The following CCDC47 variants were observed in gnomAD, a reference collection of about 807,000 sequenced individuals.
CCDC47 encodes PAT complex subunit CCDC47.
A neutral mutation model predicts 60.5 loss-of-function variants in CCDC47; 41 were observed. The observed-to-expected ratio is 0.68, with a 90% CI of 0.53 to 0.88. The LOEUF is 0.88. Ranked by LOEUF, CCDC47 falls within the 40% of genes least tolerant of loss-of-function variation. The probability of loss-of-function intolerance (pLI) is 0.00; values close to 1 mark genes in which losing one functional copy is unlikely to be tolerated. For synonymous variants in CCDC47, 195 were observed against 190.7 expected, an observed-to-expected ratio of 1.02 and a Z score of -0.18; for missense variants, 513 against 580.9, an observed-to-expected ratio of 0.88 and a Z score of 1.20.
Position 63,766,077 on chromosome 17 carries a change from C to G in CCDC47, c.99G>C (p.Glu33Asp). 1.9e-6 allele frequency: 3 copies of G among 1,614,064 alleles called. No individual in the cohort carries two copies. In the South Asian group the frequency reaches 3.3e-5, roughly 18 times the overall value. ...ATTCAGCGAAGTCATTATCATCATA[C>G]TCTACTATGTCCTCCTCATCCTCAA... ...DDFEDEEDIV[E>D]YDDNDFAEFE... The change falls in exon 2 of 13, where the codon GAG becomes GAC. Residue 33 changes from glutamate to aspartate, a missense_variant. Glu to Asp is a conservative substitution (Grantham distance 45, BLOSUM62 2). Transcript: ENST00000225726.
intron 1 of CCDC47, among the ~76,000 whole-genome samples, chr17:63,768,174 C>G (rs1383441375): frequency 6.6e-6 from 1 of 152,192 alleles, no homozygotes. Flanking sequence ...GCATTCACTG[C>G]TTTTCACAAT....
At chr17:63,751,665 T>G (rs1489693951) in intron 12 of CCDC47, 2 of 555,184 alleles carry the variant, frequency 3.6e-6, no homozygotes, top group Non-Finnish European at 6.4e-6. Flanking sequence ...ACCAAAGTGT[T>G]TGGCTCGAAA....
intron 1 of CCDC47, among the ~76,000 whole-genome samples, chr17:63,771,220 A>C (rs897708310): frequency 3.3e-5 from 5 of 152,220 alleles, no homozygotes; most frequent in African/African-American, 1.2e-4. Context: ...TGGAGGCAAG[A>C]ACAGTTAAAA....
chr17:63,753,237 TA>T, intron 9 of CCDC47: 1 of 893,950 alleles, frequency 1.1e-6, no homozygotes. Flanking sequence ...AATTTAGGGA[TA>T]ATCTACTACA....
intron 6 of CCDC47, among the ~76,000 whole-genome samples, chr17:63,757,781 T>C (rs2039218773): frequency 6.6e-6 from 1 of 152,226 alleles, no homozygotes; most frequent in African/African-American, 2.4e-5. Context: ...GCCCTTTGAA[T>C]TTCCTGAATA....
At position 63,761,803 on chromosome 17, in the gene CCDC47, T is replaced by C. The variant is rs1469140563; in HGVS notation, c.548-452A>G. On this transcript the variant is annotated intron_variant, in intron 4 of 12. Coordinates refer to ENST00000225726, the MANE Select transcript of CCDC47 (RefSeq NM_020198.3). ...ATACTTTGCTGTCTTATAGAACTGT[T>C]TGGACAGGGACTGAAATAGATTAGC... The C allele has an allele frequency of 6.1e-6, 6 of 981,460 alleles. No homozygotes were observed. The African/African-American group carries it at 1.1e-4, about 17-fold the overall frequency. 60.8% of individuals were successfully genotyped at this position (981,460 alleles called of 1,614,324 possible). A position where few individuals can be genotyped will look rare whatever the true frequency, so the allele number is the denominator to read the frequency against.
At chr17:63,761,203 A>G (rs2039256761) in intron 5 of CCDC47, 27 bp downstream of exon 5, 3 of 1,613,738 alleles carry the variant, frequency 1.9e-6, no homozygotes, top group South Asian at 2.2e-5. Flanking sequence ...GGGAAGATAT[A>G]TATCGTACAA....
In CCDC47 at chr17:63,746,826, T is replaced by C; in HGVS notation, c.*55A>G. Reference sequence around the variant, plus strand: ...GAAATGGACTGGCGTTTTTCATGTTTCCTGTGAATTCAGAGCTTACAGGTG... The same window carrying C: ...GAAATGGACTGGCGTTTTTCATGTTCCCTGTGAATTCAGAGCTTACAGGTG... On this transcript the variant is annotated 3_prime_UTR_variant, in exon 13 of 13. Transcript: ENST00000225726. 1.5e-6 allele frequency: 2 copies of C among 1,311,218 alleles called. No homozygotes were observed. The allele number at this position is 1,311,218 out of a possible 1,614,324, so 81.2% of individuals were successfully genotyped here.
Position 63,766,211 on chromosome 17 carries a change from AC to A in CCDC47, c.-19-18del. 1 of 1,578,576 alleles carries A rather than the reference AC, an allele frequency of 6.3e-7. No individual in the cohort carries two copies. Among genetic ancestry groups the A allele is most frequent in the Non-Finnish European group, 8.6e-7 (1 of 1,167,698 alleles). The stretch of plus-strand genomic sequence containing the variant: ...GAAAAAAAGCTTAAAAAAAAAGAGA[AC>A]CCCAAAATGGATTGCCATTCTATAC... On this transcript the variant is annotated intron_variant, in intron 1 of 12. Coordinates refer to ENST00000225726, the MANE Select transcript of CCDC47 (RefSeq NM_020198.3).
chr17:63,771,333 C>T (rs916187561), intron 1 of CCDC47, among the ~76,000 whole-genome samples: 26 of 151,990 alleles, frequency 1.7e-4, no homozygotes, highest in Admixed American at 1.0e-3. Flanking sequence ...ATAGGTTATA[C>T]GTAAATACTA....
Position 63,746,792 on chromosome 17 carries a change from T to C in CCDC47, c.*89A>G. On this transcript the variant is annotated 3_prime_UTR_variant, in exon 13 of 13. Coordinates refer to ENST00000225726, the MANE Select transcript of CCDC47 (RefSeq NM_020198.3). ...CAGTTGCCCAAGACTGTCTGAAATT[T>C]AAGGTTGAGAAATGGACTGGCGTTT... 2.1e-6 allele frequency: 2 copies of C among 965,992 alleles called. No individual in the cohort carries two copies. The highest frequency in any genetic ancestry group is 3.3e-6 in the Non-Finnish European group (2 of 603,230). 59.8% of individuals were successfully genotyped at this position (965,992 alleles called of 1,614,324 possible).
intron 3 of CCDC47, among the ~76,000 whole-genome samples, 190 bp from the exon 4 acceptor site, chr17:63,764,380 G>T (rs1423017218): frequency 1.3e-5 from 2 of 152,124 alleles, no homozygotes; most frequent in Non-Finnish European, 2.9e-5. Context: ...ATTCTTTAAG[G>T]AAATATAAGG....
chr17:63,760,089 TGAA>T, intron 6 of CCDC47, among the ~76,000 whole-genome samples: 1 of 123,502 alleles, frequency 8.1e-6, no homozygotes, highest in Admixed American at 8.0e-5. Context: ...AAAGAAACAA[TGAA>T]GAAGGAATGT....
rs149411729 is a variant in CCDC47, at chr17:63,762,934, T to A, written c.547+1082A>T. Among the ~76,000 whole-genome samples, 14 of 152,318 alleles carry A rather than the reference T, an allele frequency of 9.2e-5. No homozygotes were observed. The South Asian group carries it at 2.5e-3, about 27-fold the overall frequency. Reference sequence around the variant, plus strand: ...AATTATTAAATACAATATATTCTTATTTTTAGAAACAGGGTCTCATTCTGT... The same window carrying A: ...AATTATTAAATACAATATATTCTTAATTTTAGAAACAGGGTCTCATTCTGT... On this transcript the variant is annotated intron_variant, in intron 4 of 12. Transcript: ENST00000225726.
At chr17:63,756,129 T>A in intron 8 of CCDC47, 111 bp downstream of exon 8, 1 of 704,332 alleles carries the variant, frequency 1.4e-6, no homozygotes, top group Non-Finnish European at 2.5e-6. Context: ...GGGAAAGGAA[T>A]GTAAAACTAA....
chr17:63,759,572 TATATA>T (rs2039240264), intron 6 of CCDC47, among the ~76,000 whole-genome samples: 1 of 89,986 alleles, frequency 1.1e-5, no homozygotes, highest in African/African-American at 4.1e-5. Context: ...TATATATATA[TATATA>T]AAACAATGAT....
At chr17:63,752,557 G>T in intron 10 of CCDC47, 128 bp from the exon 11 acceptor site, 1 of 747,708 alleles carries the variant, frequency 1.3e-6, no homozygotes, top group East Asian at 3.0e-5. Context: ...TTAAAATGCA[G>T]CAGAAAATAT....
chr17:63,758,742 T>C (rs1039928594), intron 6 of CCDC47, among the ~76,000 whole-genome samples: 13 of 152,216 alleles, frequency 8.5e-5, no homozygotes, highest in African/African-American at 3.1e-4. Context: ...TTTAAATGCT[T>C]GGGTGAAATA....
In CCDC47 at chr17:63,765,931, A is replaced by C. The variant is rs545923781; in HGVS notation, c.245T>G (p.Phe82Cys). The change falls in exon 2 of 13, where the codon TTT (phenylalanine) becomes TGT (cysteine). Residue 82 changes from phenylalanine to cysteine, a missense_variant. By Grantham distance (205) the Phe-to-Cys change is radical. Transcript: ENST00000225726. ...CCTCACCTGGGTATCTGCATCTTCA[A>C]AATCTCCTTCTTGGTTTTCATCCTG... ...EGQDENQEGD[F>C]EDADTQEGDT... 1 of 1,612,450 alleles carries C rather than the reference A, an allele frequency of 6.2e-7. No homozygotes were observed. The highest frequency in any genetic ancestry group is 1.3e-5 in the African/African-American group (1 of 75,020).
Sources: allele counts gnomAD v4.1 joint callset (sites outside exome capture counted in the v4.1 genomes callset), GRCh38; gene constraint gnomAD v4.1.1; transcripts MANE v1.5; gene names NCBI Gene and HGNC (gene_info 2026-07-23, HGNC 2026-07-21).